Variants in ZNF385D observed in about 807,000 individuals in gnomAD.
ZNF385D encodes zinc finger protein 659.
In ZNF385D, 15 loss-of-function variants were observed where a neutral mutation model predicts 35.8. The observed-to-expected ratio is 0.42, with a 90% CI of 0.28 to 0.64. The LOEUF is 0.64. ZNF385D is among the 30% of genes least tolerant of loss of function. The pLI is 0.23. For missense variants in ZNF385D, 474 were observed against 494.6 expected (o/e 0.96, Z 0.39); for synonymous variants, 212 against 186.8 (o/e 1.13, Z -1.10).
chr3:21,719,413 G>C (rs2068448118), intron 1 of ZNF385D, among the ~76,000 whole-genome samples: 1 of 152,206 alleles, frequency 6.6e-6, no homozygotes, highest in South Asian at 2.1e-4. Flanking sequence ...AACACAATAA[G>C]CCTCAGCATT....
intron 3 of ZNF385D, among the ~76,000 whole-genome samples, chr3:22,089,376 A>G (rs1304019676): frequency 6.6e-6 from 1 of 152,224 alleles, no homozygotes; most frequent in East Asian, 1.9e-4. Context: ...ATGTTGGTAG[A>G]TATTAAGCTT....
At chr3:21,574,127 A>G (rs957059120) in intron 2 of ZNF385D, among the ~76,000 whole-genome samples, 6 of 151,912 alleles carry the variant, frequency 3.9e-5, no homozygotes, top group Non-Finnish European at 7.4e-5. Context: ...GTGACCAACA[A>G]TTACTACTAA....
intron 2 of ZNF385D, among the ~76,000 whole-genome samples, chr3:21,566,471 T>A (rs1454597069): frequency 6.6e-6 from 1 of 151,942 alleles, no homozygotes; most frequent in Non-Finnish European, 1.5e-5. Context: ...ACTAACAAAG[T>A]ACAAAAAAAT....
chr3:22,072,056 GT>G lies in ZNF385D; in HGVS notation c.325+96760del, dbSNP rs1198196240. Among the ~76,000 whole-genome samples the G allele has an allele frequency of 2.6e-5, 4 of 152,058 alleles. No homozygotes were observed. The South Asian group carries it at 6.2e-4, about 24-fold the overall frequency. On this transcript the variant is annotated intron_variant, in intron 3 of 5. Transcript: ENST00000494108. ...TATACCTGTAATACCCACCATGTAT[GT>G]TTATTGTAGCATTACTTTCATTTAT...
intron 3 of ZNF385D, among the ~76,000 whole-genome samples, chr3:21,974,768 G>A (rs189659616): frequency 6.6e-6 from 1 of 152,070 alleles, no homozygotes; most frequent in Non-Finnish European, 1.5e-5. Context: ...GATCTAAGTA[G>A]ACGTTTCTCA....
intron 1 of ZNF385D, among the ~76,000 whole-genome samples, chr3:21,693,763 T>A (rs1161472557): frequency 1.3e-5 from 2 of 152,098 alleles, no homozygotes; most frequent in Non-Finnish European, 2.9e-5. Context: ...CAATAAATGT[T>A]TTATGAATTT....
chr3:22,244,727 G>A (rs946116338), intron 2 of ZNF385D, among the ~76,000 whole-genome samples: 3 of 151,082 alleles, frequency 2.0e-5, no homozygotes, highest in Non-Finnish European at 2.9e-5. Context: ...ACTTCCAAAT[G>A]CAGGTATTTA....
chr3:21,891,500 T>C (rs1010459369), intron 3 of ZNF385D, among the ~76,000 whole-genome samples: 4 of 152,184 alleles, frequency 2.6e-5, no homozygotes, highest in Non-Finnish European at 5.9e-5. Context: ...TGGTTATTTG[T>C]TTACTATCTT....
chr3:21,550,849 T>C (rs190078651), intron 3 of ZNF385D, among the ~76,000 whole-genome samples: 1 of 152,300 alleles, frequency 6.6e-6, no homozygotes, highest in Non-Finnish European at 1.5e-5. Flanking sequence ...TGATCTACTT[T>C]TGGAGGGCTA....
chr3:22,224,694 T>G (rs889344090), intron 2 of ZNF385D, among the ~76,000 whole-genome samples: 3 of 152,138 alleles, frequency 2.0e-5, no homozygotes, highest in African/African-American at 7.2e-5. Context: ...CCAACCAAAG[T>G]GAACTATTCC....
At chr3:22,328,459 A>T (rs948263678) in intron 2 of ZNF385D, among the ~76,000 whole-genome samples, 1 of 152,166 alleles carries the variant, frequency 6.6e-6, no homozygotes, top group African/African-American at 2.4e-5. Context: ...ACCTAACTTT[A>T]CATATTTTAA....
At chr3:22,109,586 G>A (rs1041349516) in intron 3 of ZNF385D, among the ~76,000 whole-genome samples, 21 of 152,118 alleles carry the variant, frequency 1.4e-4, no homozygotes, top group Non-Finnish European at 2.8e-4. Flanking sequence ...AGGTGAAGAG[G>A]ATTTGAAACA....
chr3:22,228,235 A>C (rs959110832), intron 2 of ZNF385D, among the ~76,000 whole-genome samples: 1 of 152,184 alleles, frequency 6.6e-6, no homozygotes, highest in Non-Finnish European at 1.5e-5. Context: ...AATGCTAATA[A>C]AGGCTCTTTT....
At chr3:21,725,132 A>G (rs6803365) in intron 1 of ZNF385D, among the ~76,000 whole-genome samples, 3,178 of 152,288 alleles carry the variant, frequency 0.021, 118 homozygotes, top group African/African-American at 0.07. Flanking sequence ...CTTTGAAACC[A>G]AAGAGAACAA....
chr3:22,169,066 A>T (rs943067915), intron 2 of ZNF385D: 79 of 958,564 alleles, frequency 8.2e-5, no homozygotes, highest in Non-Finnish European at 9.6e-5. Context: ...ATGAACAAGC[A>T]GATCAAGATT....
At chr3:22,350,173 A>C (rs1284401794) in intron 2 of ZNF385D, among the ~76,000 whole-genome samples, 2 of 152,174 alleles carry the variant, frequency 1.3e-5, no homozygotes, top group Admixed American at 1.3e-4. Flanking sequence ...CATGCAAAGA[A>C]GTTTACCCCA....
At chr3:21,913,422 G>A (rs1406807532) in intron 3 of ZNF385D, among the ~76,000 whole-genome samples, 1 of 152,048 alleles carries the variant, frequency 6.6e-6, no homozygotes, top group Admixed American at 6.6e-5. Flanking sequence ...CTACCTACAT[G>A]AATGTATGAG....
chr3:21,952,474 GA>G (rs751046503), intron 3 of ZNF385D, among the ~76,000 whole-genome samples: 1 of 151,576 alleles, frequency 6.6e-6, no homozygotes, highest in East Asian at 1.9e-4. Context: ...ATTAAAATGT[GA>G]AAAAAAATGG....
rs1197913178 is a variant in ZNF385D at position 22,233,507 on chromosome 3, A to G, written c.107-64472T>C. Among the ~76,000 whole-genome samples, 15 of 152,308 alleles carry G rather than the reference A, an allele frequency of 9.8e-5. No homozygotes were observed. The East Asian group carries it at 2.9e-3, about 29-fold the overall frequency. ...TTGTGGTGGTAGTCCCATGGTGTATATAGGAATCAAAGCTTATAGAAGTGT... is the reference window on the plus strand; with the variant it reads ...TTGTGGTGGTAGTCCCATGGTGTATGTAGGAATCAAAGCTTATAGAAGTGT... On this transcript the variant is annotated intron_variant, in intron 2 of 5. Coordinates refer to the ZNF385D transcript ENST00000494108.
Sources: gnomAD v4.1 joint callset for allele counts (sites outside exome capture counted in the v4.1 genomes callset) on GRCh38, gnomAD v4.1.1 for gene constraint, MANE v1.5 for transcripts, NCBI Gene and HGNC (gene_info 2026-07-23, HGNC 2026-07-21) for gene names.